The following CHST12 variants were observed in gnomAD, a reference collection of about 807,000 sequenced individuals.
CHST12 encodes the protein carbohydrate (chondroitin 4) sulfotransferase 12.
Under a neutral mutation model 27.9 loss-of-function variants are expected in CHST12, and 23 were observed. The ratio of observed to expected loss-of-function variants is 0.82; its 90% CI spans 0.59 to 1.17. CHST12 has a LOEUF of 1.17. Ranked by LOEUF, CHST12 falls within the 50% of genes most tolerant of loss-of-function variation. The pLI is 0.00. For missense variants in CHST12, 682 were observed against 603.0 expected (o/e 1.13, Z -1.37); for synonymous variants, 322 against 273.0 (o/e 1.18, Z -1.77).
intron 1 of CHST12, among the ~76,000 whole-genome samples, chr7:2,429,379 T>C (rs1246597230): frequency 6.6e-6 from 1 of 151,866 alleles, no homozygotes; most frequent in South Asian, 2.1e-4. Context: ...CCCGGCCTCT[T>C]TTTTTTTGTA....
intron 1 of CHST12, among the ~76,000 whole-genome samples, chr7:2,430,252 T>C (rs549298944): frequency 2.0e-5 from 3 of 152,300 alleles, no homozygotes; most frequent in South Asian, 4.1e-4. Context: ...TTTTCTGTTA[T>C]TGATTTCTAG....
chr7:2,427,712 C>T (rs1440954069), intron 1 of CHST12, among the ~76,000 whole-genome samples: 1 of 152,008 alleles, frequency 6.6e-6, no homozygotes, highest in Non-Finnish European at 1.5e-5. Context: ...TTGTTCCTTC[C>T]TGTAGGAGTT....
rs569357602 is a variant in CHST12, at chr7:2,437,622, C to G, written c.*3738C>G. The G allele has an allele frequency of 1.3e-5, 2 of 152,256 alleles. No homozygotes were observed. Among genetic ancestry groups the G allele is most frequent in the South Asian group, 4.1e-4 (2 of 4,822 alleles). 9.4% of individuals were successfully genotyped at this position (152,256 alleles called of 1,614,324 possible). On this transcript the variant is annotated 3_prime_UTR_variant, in exon 2 of 2. Coordinates refer to ENST00000618655, the MANE Select transcript of CHST12 (RefSeq NM_018641.5). Reference sequence around the variant, plus strand: ...GGCAAGGGTTAGGATTTCAGTTTATCTTCCCGGTGAGGTCTGAGCACGTCT... The same window carrying G: ...GGCAAGGGTTAGGATTTCAGTTTATGTTCCCGGTGAGGTCTGAGCACGTCT...
chr7:2,417,510 C>T (rs887095864), intron 1 of CHST12, among the ~76,000 whole-genome samples: 1 of 151,856 alleles, frequency 6.6e-6, no homozygotes, highest in Non-Finnish European at 1.5e-5. Flanking sequence ...CTGCCTCAAC[C>T]TCCCATGTAG....
chr7:2,437,316 A>G lies in CHST12; in HGVS notation c.*3432A>G, dbSNP rs999208837. ...GCACCTCGCCCGTTTACAGTTGGGC[A>G]ATGCTTGGGCTGGGCGGCCTGGCTG... is the stretch of plus-strand genomic sequence containing the variant. On this transcript the variant is annotated 3_prime_UTR_variant, in exon 2 of 2. Coordinates refer to ENST00000618655, the MANE Select transcript of CHST12 (RefSeq NM_018641.5). 3 of 152,282 alleles carry G rather than the reference A, an allele frequency of 2.0e-5. No homozygotes were observed. The highest frequency in any genetic ancestry group is 2.0e-4 in the Admixed American group (3 of 15,276). 9.4% of individuals were successfully genotyped at this position (152,282 alleles called of 1,614,324 possible).
intron 1 of CHST12, among the ~76,000 whole-genome samples, chr7:2,431,555 G>A (rs929209526): frequency 6.6e-6 from 1 of 152,160 alleles, no homozygotes; most frequent in Non-Finnish European, 1.5e-5. Context: ...TGCCAGGTGG[G>A]GTCAAGGCTT....
At chr7:2,405,948 C>G (rs761031017) in intron 1 of CHST12, among the ~76,000 whole-genome samples, 2 of 152,070 alleles carry the variant, frequency 1.3e-5, no homozygotes, top group Non-Finnish European at 2.9e-5. Flanking sequence ...AAGAGAGGCC[C>G]GTTGGTTGGC....
At chr7:2,407,677 C>G (rs1781559569) in intron 1 of CHST12, among the ~76,000 whole-genome samples, 1 of 152,050 alleles carries the variant, frequency 6.6e-6, no homozygotes, top group Non-Finnish European at 1.5e-5. Context: ...TGGCTCATGC[C>G]TGTAATCCCA....
At position 2,432,696 on chromosome 7, in the gene CHST12, C is replaced by G; in HGVS notation, c.57C>G (p.Ile19Met). 1 of 1,613,798 alleles carries G rather than the reference C, an allele frequency of 6.2e-7. No individual in the cohort carries two copies. Residue 19 changes from isoleucine (I) to methionine (M), a missense_variant, in exon 2 of 2, where the codon ATC becomes ATG. By Grantham distance (10) the Ile-to-Met change is conservative. Transcript: ENST00000618655. ...LWLVLGSVFM[I>M]LLIIVYWDSA... ...TGGTGCTGGGGTCGGTGTTCATGAT[C>G]CTGCTGATCATCGTGTACTGGGACA...
chr7:2,423,086 G>T (rs1291393654), intron 1 of CHST12, among the ~76,000 whole-genome samples: 1 of 151,582 alleles, frequency 6.6e-6, no homozygotes, highest in Non-Finnish European at 1.5e-5. Flanking sequence ...GACCAGCCTG[G>T]CCAACATGGA....
chr7:2,433,702 C>T lies in CHST12; in HGVS notation c.1063C>T (p.Leu355=). The T allele has an allele frequency of 6.2e-7, 1 of 1,613,546 alleles. No homozygotes were observed. Among genetic ancestry groups the T allele is most frequent in the Non-Finnish European group, 8.5e-7 (1 of 1,179,796 alleles). Reference sequence around the variant, plus strand: ...CGAGGACGCCGCGCAGCTGCTGCAGCTACTCCAGGTGGACCGGCAGCTCCG... The same window carrying T: ...CGAGGACGCCGCGCAGCTGCTGCAGTTACTCCAGGTGGACCGGCAGCTCCG... ...LDEDAAQLLQ[L]LQVDRQLRFP... is the part of the protein sequence containing the mutation. The change falls in exon 2 of 2, where the codon CTA becomes TTA. Residue 355 remains leucine (L), a synonymous_variant. Transcript: ENST00000618655. The surrounding 1 kb of genome is among the most constrained non-coding windows in gnomAD (Gnocchi z 6.1).
intron 1 of CHST12, among the ~76,000 whole-genome samples, chr7:2,425,355 A>T (rs1376681827): frequency 6.6e-6 from 1 of 152,032 alleles, no homozygotes; most frequent in Admixed American, 6.6e-5. Context: ...AGGGGTCCAG[A>T]CTGTTGGGCT....
At chr7:2,409,738 A>C (rs1781615486) in intron 1 of CHST12, among the ~76,000 whole-genome samples, 1 of 152,110 alleles carries the variant, frequency 6.6e-6, no homozygotes, top group Admixed American at 6.6e-5. Context: ...TCACTCTTTC[A>C]TGGATATGTA....
At chr7:2,406,036 G>T (rs140509360) in intron 1 of CHST12, among the ~76,000 whole-genome samples, 64 of 152,222 alleles carry the variant, frequency 4.2e-4, no homozygotes, top group African/African-American at 1.5e-3. Flanking sequence ...GTGGGTCAGG[G>T]GCTGAAGGAG....
rs1026071775 is a variant in CHST12, at chr7:2,436,592, T to C, written c.*2708T>C. 2.6e-5 allele frequency: 4 copies of C among 152,318 alleles called. No individual in the cohort carries two copies. The highest frequency in any genetic ancestry group is 2.0e-4 in the Admixed American group (3 of 15,284). 9.4% of individuals were successfully genotyped at this position (152,318 alleles called of 1,614,324 possible). On this transcript the variant is annotated 3_prime_UTR_variant, in exon 2 of 2. Coordinates refer to ENST00000618655, the MANE Select transcript of CHST12 (RefSeq NM_018641.5). ...CTGCTGTGAACAGGGTGTCAGTGAA[T>C]CTGCTGAGGGCTTGTTTTCCGTATT...
Position 2,436,814 on chromosome 7 carries a change from T to C in CHST12, c.*2930T>C, listed in dbSNP as rs1269308953. ...GGTTTTCCTGAGCACCTGGGGTGTT[T>C]GCAGGGATGTGGAGGGGTTCCTGCA... On this transcript the variant is annotated 3_prime_UTR_variant, in exon 2 of 2. Transcript: ENST00000618655. 2 of 152,226 alleles carry C rather than the reference T, an allele frequency of 1.3e-5. No homozygotes were observed. Among genetic ancestry groups the C allele is most frequent in the East Asian group, 3.9e-4 (2 of 5,192 alleles). The allele number at this position is 152,226 out of a possible 1,614,324, so 9.4% of individuals were successfully genotyped here.
rs1278044997 is a variant in CHST12 at position 2,436,322 on chromosome 7, T to G, written c.*2438T>G. 6.6e-6 allele frequency: 1 copy of G among 152,236 alleles called. No individual in the cohort carries two copies. The highest frequency in any genetic ancestry group is 1.5e-5 in the Non-Finnish European group (1 of 68,054). The allele number at this position is 152,236 out of a possible 1,614,324, so 9.4% of individuals were successfully genotyped here. On this transcript the variant is annotated 3_prime_UTR_variant, in exon 2 of 2. Transcript: ENST00000618655. ...TGGTAGAAGGCAGCAGCTTCCACTC[T>G]CTGATTTCTACTACCCGAGCTCCCT...
intron 1 of CHST12, among the ~76,000 whole-genome samples, chr7:2,415,774 G>A (rs960053818): frequency 2.0e-5 from 3 of 151,968 alleles, no homozygotes; most frequent in African/African-American, 7.2e-5. Context: ...CACCACGCCT[G>A]GCTAATTTTT....
chr7:2,407,648 T>C lies in CHST12; in HGVS notation c.-78+3975T>C, dbSNP rs572144888. On this transcript the variant is annotated intron_variant, in intron 1 of 1. Transcript: ENST00000618655. ...ACTTCTCAGCTTGGATATTAAAAGC[T>C]TGGGAAGGCTGGGTGTGGTGGCTCA... 6.6e-5 allele frequency among the ~76,000 whole-genome samples: 10 copies of C among 152,066 alleles called. No homozygotes were observed. The East Asian group carries it at 1.9e-3, about 30-fold the overall frequency.
Sources: allele counts gnomAD v4.1 joint callset (sites outside exome capture counted in the v4.1 genomes callset), GRCh38; gene constraint gnomAD v4.1.1; non-coding constraint Gnocchi (gnomAD v3.1); transcripts MANE v1.5; gene names NCBI Gene and HGNC (gene_info 2026-07-23, HGNC 2026-07-21).